Variants in PTGER4 observed in about 807,000 individuals in gnomAD.
PTGER4 encodes prostaglandin E2 receptor EP4 subtype.
PTGER4 carries 11 observed loss-of-function variants against 33.2 expected under a neutral mutation model. That is an observed-to-expected ratio of 0.33 (90% CI 0.21 to 0.55). The LOEUF (loss-of-function observed/expected upper bound fraction) is 0.55. Among genes scored for constraint, PTGER4 ranks in the 20% least tolerant of loss-of-function variants. PTGER4 has a pLI of 0.92. For synonymous variants in PTGER4, 275 were observed against 281.5 expected, an observed-to-expected ratio of 0.98 and a Z score of 0.23; for missense variants, 481 against 650.2, an observed-to-expected ratio of 0.74 and a Z score of 2.83.
At chr5:40,704,055 T>C in the PTGER4 span, among the ~76,000 whole-genome samples, 1 of 146,318 alleles carries the variant, frequency 6.8e-6, no homozygotes, top group Non-Finnish European at 1.5e-5. Flanking sequence ...GGCCAATCAA[T>C]ATCCTTGATG....
At chr5:40,721,140 G>A in the PTGER4 span, among the ~76,000 whole-genome samples, 215 of 152,254 alleles carry the variant, frequency 1.4e-3, no homozygotes, top group African/African-American at 4.9e-3. Flanking sequence ...TTTTTATGGG[G>A]ACTACCAAAA....
the PTGER4 span, among the ~76,000 whole-genome samples, chr5:40,729,759 C>G: frequency 4.1e-4 from 62 of 152,204 alleles, no homozygotes; most frequent in Non-Finnish European, 7.6e-4. Context: ...AGTGCAGTGG[C>G]ACTATCTCAG....
At chr5:40,709,646 C>T in the PTGER4 span, among the ~76,000 whole-genome samples, 136 of 152,292 alleles carry the variant, frequency 8.9e-4, no homozygotes, top group African/African-American at 3.2e-3. Flanking sequence ...CCCCATCAAG[C>T]TACCAATGAC....
the PTGER4 span, among the ~76,000 whole-genome samples, chr5:40,720,449 G>T: frequency 6.6e-6 from 1 of 152,148 alleles, no homozygotes; most frequent in Non-Finnish European, 1.5e-5. Flanking sequence ...GATTACTAAT[G>T]CTTTCATATT....
chr5:40,719,785 A>C, the PTGER4 span, among the ~76,000 whole-genome samples: 1 of 152,196 alleles, frequency 6.6e-6, no homozygotes, highest in African/African-American at 2.4e-5. Context: ...TTTCCTTGAC[A>C]AGTAACAATG....
At chr5:40,713,312 G>A in the PTGER4 span, among the ~76,000 whole-genome samples, 1 of 152,106 alleles carries the variant, frequency 6.6e-6, no homozygotes. Context: ...GAAAGGCAGT[G>A]AAACAAGCTT....
At chr5:40,700,030 C>T in the PTGER4 span, among the ~76,000 whole-genome samples, 1 of 152,152 alleles carries the variant, frequency 6.6e-6, no homozygotes, top group African/African-American at 2.4e-5. Flanking sequence ...TTCATAAAGA[C>T]ATGTTAGGTA....
chr5:40,732,562 TA>T, the PTGER4 span, among the ~76,000 whole-genome samples: 1 of 152,000 alleles, frequency 6.6e-6, no homozygotes, highest in African/African-American at 2.4e-5. Flanking sequence ...TTATATGCTC[TA>T]CAGTACCCAG....
At chr5:40,733,589 A>G in the PTGER4 span, among the ~76,000 whole-genome samples, 1 of 152,214 alleles carries the variant, frequency 6.6e-6, no homozygotes, top group Non-Finnish European at 1.5e-5. Context: ...AGAGGAAGTT[A>G]TCACCCCATA....
rs764623733 is a variant in PTGER4 at position 40,681,883 on chromosome 5, C to G, written c.867+23C>G. On this transcript the variant is annotated intron_variant, in intron 2 of 2. Transcript: ENST00000302472. This position sits in a 1 kb window ranked among gnomAD's most constrained non-coding sequence, Gnocchi z 9.8. The stretch of plus-strand genomic sequence containing the variant: ...GTGGTGAGTGACCGGGGCTGGGGCC[C>G]TACTCGGCCTTTTTCTCGCATCCAC... 2.0e-6 allele frequency: 3 copies of G among 1,483,084 alleles called. No homozygotes were observed. In the Admixed American group the frequency reaches 7.6e-5, roughly 38 times the overall value. The allele number at this position is 1,483,084 out of a possible 1,614,324, so 91.9% of individuals were successfully genotyped here.
chr5:40,694,264 T>G (rs1286853871), downstream of PTGER4, among the ~76,000 whole-genome samples: 2 of 152,162 alleles, frequency 1.3e-5, no homozygotes, highest in East Asian at 3.9e-4. Context: ...TGGCCATGGT[T>G]GGTCTCAAAC....
At chr5:40,687,192 T>C (rs753786427) in intron 2 of PTGER4, among the ~76,000 whole-genome samples, 1 of 152,088 alleles carries the variant, frequency 6.6e-6, no homozygotes, top group African/African-American at 2.4e-5. Context: ...ATTATAGGCA[T>C]GCACCACCAC....
At chr5:40,697,214 AAAAGAAAGAAGAAAAGAAAG>A (rs1741621291), downstream of PTGER4, among the ~76,000 whole-genome samples, 1 of 126,186 alleles carries the variant, frequency 7.9e-6, no homozygotes, top group African/African-American at 3.1e-5. Context: ...GAAAGAAAGA[AAAAGAAAGAAGAAAAGAAAG>A]AAAGAAAGAA....
intron 2 of PTGER4, among the ~76,000 whole-genome samples, chr5:40,689,086 G>A (rs761591433): frequency 1.3e-5 from 2 of 152,190 alleles, no homozygotes; most frequent in Non-Finnish European, 2.9e-5. Flanking sequence ...AACTGGAACA[G>A]TAATCCTGGA....
chr5:40,724,301 T>C, the PTGER4 span, among the ~76,000 whole-genome samples: 2 of 152,192 alleles, frequency 1.3e-5, no homozygotes, highest in Non-Finnish European at 1.5e-5. Flanking sequence ...ATTCCACTTA[T>C]ACGATATCTC....
the PTGER4 span, among the ~76,000 whole-genome samples, chr5:40,741,967 C>T: frequency 2.6e-5 from 4 of 151,868 alleles, no homozygotes; most frequent in African/African-American, 9.7e-5. Context: ...CCAGCCTGGG[C>T]CAACAGAGCG....
the PTGER4 span, among the ~76,000 whole-genome samples, chr5:40,722,216 T>C: frequency 2.3e-4 from 35 of 151,466 alleles, no homozygotes; most frequent in African/African-American, 7.5e-4. Flanking sequence ...ACTCGCTCAC[T>C]CAGTGCTCAA....
chr5:40,703,902 C>CAA, the PTGER4 span, among the ~76,000 whole-genome samples: 45 of 37,264 alleles, frequency 1.2e-3, 13 homozygotes, highest in African/African-American at 1.8e-3. Context: ...GACGCCGTCT[C>CAA]AAAAAAAAAA....
chr5:40,685,645 T>G (rs887136533), intron 2 of PTGER4, among the ~76,000 whole-genome samples: 3 of 152,208 alleles, frequency 2.0e-5, no homozygotes, highest in Non-Finnish European at 4.4e-5. Context: ...GTAAGTTATT[T>G]CCACATCTGG....
Sources: gnomAD v4.1 joint callset for allele counts (sites outside exome capture counted in the v4.1 genomes callset) on GRCh38, gnomAD v4.1.1 for gene constraint, Gnocchi (gnomAD v3.1) non-coding constraint, MANE v1.5 for transcripts, NCBI Gene and HGNC (gene_info 2026-07-23, HGNC 2026-07-21) for gene names.